The following IL1RAPL1 variants were observed in gnomAD, a reference collection of about 807,000 sequenced individuals.
The protein encoded by IL1RAPL1 is interleukin-1 receptor accessory protein-like 1.
IL1RAPL1 carries 3 observed loss-of-function variants against 48.4 expected under a neutral mutation model. The ratio of observed to expected loss-of-function variants is 0.06; its 90% CI spans 0.03 to 0.16. The LOEUF is 0.16. Ranked by LOEUF, IL1RAPL1 falls within the 10% of genes least tolerant of loss-of-function variation. The probability of loss-of-function intolerance (pLI) is 1.00; values close to 1 mark genes in which losing one functional copy is unlikely to be tolerated. For missense variants in IL1RAPL1, 349 were observed against 530.6 expected, an observed-to-expected ratio of 0.66 and a Z score of 3.36; for synonymous variants, 185 against 187.7, an observed-to-expected ratio of 0.99 and a Z score of 0.12.
At chrX:29,943,626 T>C (rs1014174163) in intron 9 of IL1RAPL1, among the ~76,000 whole-genome samples, 1 of 112,252 alleles carries the variant, frequency 8.9e-6, no homozygotes, top group African/African-American at 3.2e-5. Context: ...AAAAAGCACA[T>C]TACCTAAACA....
chrX:28,994,082 A>G (rs1044711239), intron 2 of IL1RAPL1, among the ~76,000 whole-genome samples: 1 of 110,896 alleles, frequency 9.0e-6, no homozygotes, highest in African/African-American at 3.3e-5. Context: ...AAAAAAAAGT[A>G]TGATATGTGG....
chrX:28,899,130 G>A (rs1923008593), intron 2 of IL1RAPL1, among the ~76,000 whole-genome samples: 1 of 111,351 alleles, frequency 9.0e-6, no homozygotes, highest in African/African-American at 3.3e-5. Flanking sequence ...AGGAAGGAGA[G>A]TGAACACAGG....
At chrX:29,013,689 C>G (rs151093267) in intron 2 of IL1RAPL1, among the ~76,000 whole-genome samples, 1 of 110,537 alleles carries the variant, frequency 9.0e-6, no homozygotes, top group Non-Finnish European at 1.9e-5. Context: ...TGGTGGGGAA[C>G]GACACACACT....
intron 5 of IL1RAPL1, among the ~76,000 whole-genome samples, chrX:29,414,109 G>A (rs1007483237): frequency 3.6e-5 from 4 of 110,910 alleles, no homozygotes; most frequent in Non-Finnish European, 5.7e-5. Context: ...ATTTGATCAT[G>A]ATTCCTCTCA....
intron 2 of IL1RAPL1, among the ~76,000 whole-genome samples, chrX:28,790,677 C>G (rs975555763): frequency 5.3e-5 from 6 of 112,364 alleles, no homozygotes; most frequent in Non-Finnish European, 1.1e-4. Flanking sequence ...GTTGTTATGT[C>G]TACACATTAT....
chrX:29,729,267 A>G (rs1176949128), intron 6 of IL1RAPL1, among the ~76,000 whole-genome samples: 2 of 111,079 alleles, frequency 1.8e-5, no homozygotes, highest in African/African-American at 6.6e-5. Context: ...CCTACCTGTC[A>G]CCCATTTTTC....
intron 6 of IL1RAPL1, among the ~76,000 whole-genome samples, chrX:29,909,606 T>TA (rs1932722793): frequency 9.0e-6 from 1 of 111,184 alleles, no homozygotes; most frequent in Admixed American, 9.6e-5. Flanking sequence ...ATCTCTACAA[T>TA]AAAAATTACA....
At chrX:29,236,545 C>CTTTTTTTTTTTTTTTTTTTTTTTTTT (rs754996544) in intron 2 of IL1RAPL1, among the ~76,000 whole-genome samples, 9 of 63,198 alleles carry the variant, frequency 1.4e-4, no homozygotes, top group Admixed American at 2.0e-4. Flanking sequence ...CTTTTTTTTT[C>CTTTTTTTTTTTTTTTTTTTTTTTTTT]TTTTTTTTTT....
chrX:28,968,733 G>A (rs1924982373), intron 2 of IL1RAPL1, among the ~76,000 whole-genome samples: 1 of 112,581 alleles, frequency 8.9e-6, no homozygotes, highest in Admixed American at 9.3e-5. Flanking sequence ...ATTCTACAGA[G>A]GTTATGCAAA....
At chrX:28,889,619 A>G (rs192165546) in intron 2 of IL1RAPL1, among the ~76,000 whole-genome samples, 11 of 111,435 alleles carry the variant, frequency 9.9e-5, no homozygotes, top group African/African-American at 3.6e-4. Flanking sequence ...ACATCTTTCA[A>G]CTTATTAAGC....
chrX:28,888,652 G>A (rs2147318383), intron 2 of IL1RAPL1, among the ~76,000 whole-genome samples: 1 of 110,215 alleles, frequency 9.1e-6, no homozygotes, highest in Non-Finnish European at 1.9e-5. Context: ...GCTATGTAGT[G>A]CTATCCATTA....
chrX:29,559,754 A>G (rs778535411), intron 5 of IL1RAPL1, among the ~76,000 whole-genome samples: 1 of 111,511 alleles, frequency 9.0e-6, no homozygotes, highest in African/African-American at 3.3e-5. Flanking sequence ...TAAGCTGACA[A>G]CTTAATTTTG....
chrX:29,138,241 T>C (rs987261594), intron 2 of IL1RAPL1, among the ~76,000 whole-genome samples: 1 of 112,077 alleles, frequency 8.9e-6, no homozygotes, highest in African/African-American at 3.2e-5. Context: ...TCTTTGATTT[T>C]ATATTAAAAT....
chrX:29,437,034 A>G, intron 5 of IL1RAPL1, among the ~76,000 whole-genome samples: 1 of 111,106 alleles, frequency 9.0e-6, no homozygotes, highest in Middle Eastern at 4.7e-3. Context: ...GTATAAATAT[A>G]TTAAAATTTG....
chrX:29,885,503 C>A (rs1217285512), intron 6 of IL1RAPL1, among the ~76,000 whole-genome samples: 1 of 111,312 alleles, frequency 9.0e-6, no homozygotes, highest in Admixed American at 9.6e-5. Flanking sequence ...CAGTGAACAT[C>A]AGAACTATTA....
intron 2 of IL1RAPL1, among the ~76,000 whole-genome samples, chrX:29,165,318 T>G (rs1035743165): frequency 1.8e-5 from 2 of 111,490 alleles, no homozygotes; most frequent in Non-Finnish European, 3.8e-5. Context: ...AAACTTCATC[T>G]CAAAACAGAA....
At chrX:29,174,045 C>T (rs920148240) in intron 2 of IL1RAPL1, among the ~76,000 whole-genome samples, 9 of 110,117 alleles carry the variant, frequency 8.2e-5, no homozygotes, top group South Asian at 4.0e-4. Context: ...CTCAGCCTCC[C>T]GAGTAGCTGG....
chrX:28,849,414 A>T (rs1921600212), intron 2 of IL1RAPL1, among the ~76,000 whole-genome samples: 1 of 112,123 alleles, frequency 8.9e-6, no homozygotes, highest in Non-Finnish European at 1.9e-5. Context: ...ATCTTTACTA[A>T]GGACTTCTGT....
intron 1 of IL1RAPL1, among the ~76,000 whole-genome samples, chrX:28,644,886 A>T (rs1007782892): frequency 1.8e-5 from 2 of 111,503 alleles, no homozygotes; most frequent in African/African-American, 6.5e-5. Context: ...AATGAAGCAC[A>T]TCTTATGCCT....
Sources: gnomAD v4.1 joint callset for allele counts (sites outside exome capture counted in the v4.1 genomes callset) on GRCh38, gnomAD v4.1.1 for gene constraint, MANE v1.5 for transcripts, NCBI Gene and HGNC (gene_info 2026-07-23, HGNC 2026-07-21) for gene names.